The following TBC1D2B variants were observed in gnomAD, a reference collection of about 807,000 sequenced individuals.
TBC1D2B encodes TBC1 domain family, member 2B.
In TBC1D2B, 64 loss-of-function variants were observed where a neutral mutation model predicts 100.8. The observed-to-expected ratio is 0.64, with a 90% CI of 0.52 to 0.78. The LOEUF is 0.78. TBC1D2B is among the 30% of genes least tolerant of loss of function. The pLI, the probability that TBC1D2B is intolerant of heterozygous loss-of-function variation, is 0.00. For missense variants in TBC1D2B, 1,052 were observed against 1,218.4 expected (o/e 0.86, Z 2.03); for synonymous variants, 480 against 479.7 (o/e 1.00, Z -0.01).
At chr15:78,003,834 A>G (rs922387770) in intron 10 of TBC1D2B, among the ~76,000 whole-genome samples, 4 of 152,238 alleles carry the variant, frequency 2.6e-5, no homozygotes, top group Non-Finnish European at 5.9e-5. Context: ...CCAATCCACA[A>G]GTAAATACGT....
At chr15:78,039,479 G>C (rs1387508268) in intron 3 of TBC1D2B, among the ~76,000 whole-genome samples, 6 of 152,182 alleles carry the variant, frequency 3.9e-5, no homozygotes, top group Non-Finnish European at 8.8e-5. Context: ...GAAGACCTAT[G>C]GGAGGCAGGC....
chr15:78,010,726 A>G (rs2072201245), intron 9 of TBC1D2B, among the ~76,000 whole-genome samples: 1 of 152,202 alleles, frequency 6.6e-6, no homozygotes, highest in South Asian at 2.1e-4. Context: ...TCCAGATGAC[A>G]GGTCTGAATC....
At chr15:78,062,215 AT>A (rs1415432330) in intron 1 of TBC1D2B, among the ~76,000 whole-genome samples, 3 of 152,218 alleles carry the variant, frequency 2.0e-5, no homozygotes, top group African/African-American at 7.2e-5. Context: ...CTGTCCTAAC[AT>A]TTCTATTCTC....
rs1366477789 is a variant in TBC1D2B, at chr15:78,044,907, C to A, written c.676G>T (p.Glu226Ter). The change falls in exon 3 of 13, where the codon GAG (glutamate) becomes TAG (stop). Residue 226 changes from glutamate to a stop codon, truncating the protein, a stop_gained. Coordinates refer to ENST00000300584, the MANE Select transcript of TBC1D2B (RefSeq NM_144572.2). LOFTEE classifies it high-confidence loss of function. ...NFYSLKQWGNELKNSMSSFRP... is the reference protein window; with the variant it reads ...NFYSLKQWGN ...TGCTTTCTAAAGACTCACTTGAGCT[C>A]ATTGCCCCACTGTTTCAAAGAGTAA... 3 of 1,610,026 alleles carry A rather than the reference C, an allele frequency of 1.9e-6. No individual in the cohort carries two copies. Among genetic ancestry groups the A allele is most frequent in the South Asian group, 1.1e-5 (1 of 90,516 alleles).
In TBC1D2B at chr15:78,077,611, G is replaced by A. The variant is rs1244289088; in HGVS notation, c.42C>T (p.Gly14=). The stretch of plus-strand genomic sequence containing the variant: ...CCGCCCCCTGCGCCGCGCCCTCGCC[G>A]CCGCCGCCGCCCTCCTCCGCCCGGG... ...AGARAEEGGG[G]GEGAAQGAAA... is the part of the protein sequence containing the mutation. Residue 14 remains glycine (G), a synonymous_variant, in exon 1 of 13, where the codon GGC becomes GGT. Transcript: ENST00000300584. The A allele has an allele frequency of 5.8e-6, 6 of 1,026,394 alleles. No homozygotes were observed. Among genetic ancestry groups the A allele is most frequent in the East Asian group, 1.7e-4 (2 of 11,630 alleles). 63.6% of individuals were successfully genotyped at this position (1,026,394 alleles called of 1,614,324 possible). A position where few individuals can be genotyped will look rare whatever the true frequency, so the allele number is the denominator to read the frequency against.
chr15:78,058,123 A>G (rs1229072009), intron 1 of TBC1D2B, among the ~76,000 whole-genome samples: 5 of 152,200 alleles, frequency 3.3e-5, no homozygotes, highest in Non-Finnish European at 5.9e-5. Flanking sequence ...ATTAAAATTA[A>G]TTTTACTGGT....
Position 77,998,289 on chromosome 15 carries a change from G to A in TBC1D2B, c.2763C>T (p.Arg921=), listed in dbSNP as rs560412956. The change falls in exon 13 of 13, where the codon CGC becomes CGT. Residue 921 remains arginine (R), a synonymous_variant. Transcript: ENST00000300584. ...PFPLRQIRNR[R]AYHLEKVRLE... ...GCCGGACTTTCTCCAAGTGGTAGGC[G>A]CGTCGGTTCCGGATCTGGCGTAGGG... 7.2e-5 allele frequency: 115 copies of A among 1,605,510 alleles called. 1 individual carries two copies. The highest frequency in any genetic ancestry group is 3.3e-4 in the South Asian group (29 of 89,122).
rs2071762255 is a variant in TBC1D2B at position 77,996,477 on chromosome 15, C to A, written c.*1683G>T. 1 of 152,208 alleles carries A rather than the reference C, an allele frequency of 6.6e-6. No homozygotes were observed. The highest frequency in any genetic ancestry group is 1.5e-5 in the Non-Finnish European group (1 of 68,040). The allele number at this position is 152,208 out of a possible 1,614,324, so 9.4% of individuals were successfully genotyped here. A position where few individuals can be genotyped will look rare whatever the true frequency, so the allele number is the denominator to read the frequency against. Reference sequence around the variant, plus strand: ...CGAGCAGACTGCAACGCCCAGCTCACAGGACAACTGAAGGAGTCAGACCTC... The same window carrying A: ...CGAGCAGACTGCAACGCCCAGCTCAAAGGACAACTGAAGGAGTCAGACCTC... On this transcript the variant is annotated 3_prime_UTR_variant, in exon 13 of 13. Coordinates refer to ENST00000300584, the MANE Select transcript of TBC1D2B (RefSeq NM_144572.2).
chr15:78,016,521 C>T lies in TBC1D2B; in HGVS notation c.1775+25G>A, dbSNP rs62011477. The T allele has an allele frequency of 6.0e-3, 9,707 of 1,607,324 alleles. 51 individuals carry two copies. Among genetic ancestry groups the T allele is most frequent in the Non-Finnish European group, 6.8e-3 (8,043 of 1,177,040 alleles). On this transcript the variant is annotated intron_variant, in intron 8 of 12. Coordinates refer to ENST00000300584, the MANE Select transcript of TBC1D2B (RefSeq NM_144572.2). ...GGACTTCAGAAATGGGGTGCACTAC[C>T]CTCAACAGTCACTAGCACATTTACC...
intron 8 of TBC1D2B, among the ~76,000 whole-genome samples, chr15:78,013,599 G>A (rs2141660066): frequency 6.6e-6 from 1 of 152,190 alleles, no homozygotes; most frequent in Non-Finnish European, 1.5e-5. Flanking sequence ...ACGCATGGAA[G>A]AAAACGCAGG....
At chr15:78,027,662 C>T (rs2072705436) in intron 4 of TBC1D2B, among the ~76,000 whole-genome samples, 1 of 152,218 alleles carries the variant, frequency 6.6e-6, no homozygotes, top group Non-Finnish European at 1.5e-5. Context: ...GTTTCTCCTC[C>T]CGTCCCAACT....
intron 10 of TBC1D2B, among the ~76,000 whole-genome samples, chr15:78,005,224 C>T (rs2072034952): frequency 6.6e-6 from 1 of 152,158 alleles, no homozygotes; most frequent in African/African-American, 2.4e-5. Context: ...TTGCTCTGGC[C>T]TCTGTTCAAG....
At chr15:78,069,955 C>T (rs185427794) in intron 1 of TBC1D2B, among the ~76,000 whole-genome samples, 4 of 152,286 alleles carry the variant, frequency 2.6e-5, no homozygotes, top group East Asian at 3.9e-4. Flanking sequence ...ACCCTGTCTA[C>T]GGTATTTTTT....
At chr15:78,040,658 AAGAAAGAG>A (rs1270353494) in intron 3 of TBC1D2B, among the ~76,000 whole-genome samples, 17 of 141,064 alleles carry the variant, frequency 1.2e-4, no homozygotes, top group African/African-American at 3.9e-4. Flanking sequence ...AAGAGAAAGA[AAGAAAGAG>A]AAAGAAAAAG....
chr15:78,008,967 G>GT, intron 10 of TBC1D2B, 30 bp downstream of exon 10: 2 of 1,459,580 alleles, frequency 1.4e-6, no homozygotes, highest in South Asian at 2.4e-5. Context: ...TCTAAAAGTG[G>GT]TGACTAAAAC....
rs2072637532 is a variant in TBC1D2B at position 78,025,427 on chromosome 15, G to A, written c.918C>T (p.Asp306=). 1 of 1,613,968 alleles carries A rather than the reference G, an allele frequency of 6.2e-7. No individual in the cohort carries two copies. The highest frequency in any genetic ancestry group is 8.5e-7 in the Non-Finnish European group (1 of 1,179,888). Residue 306 remains aspartate, a synonymous_variant, in exon 5 of 13, where the codon GAC becomes GAT. Coordinates refer to ENST00000300584, the MANE Select transcript of TBC1D2B (RefSeq NM_144572.2). ...GACGATTTTTGTACGACCCAATTAT[G>A]TCTTTCAAAGGGCGCTTTCCTTTGT... ...NPYKGKRPLK[D]IIGSYKNRHS...
chr15:78,054,275 G>T, intron 1 of TBC1D2B, 88 bp from the exon 2 acceptor site: 1 of 1,315,828 alleles, frequency 7.6e-7, no homozygotes, highest in Non-Finnish European at 1.0e-6. Flanking sequence ...AGACTGTTCA[G>T]CTTGCCATGT....
Position 78,024,426 on chromosome 15 carries a change from T to C in TBC1D2B, c.1200A>G (p.Gln400=). Residue 400 remains glutamine (Q), a synonymous_variant, in exon 6 of 13, where the codon CAA becomes CAG. Transcript: ENST00000300584. ...TAAGGCCCAGAATCTGATCATCCTT[T>C]TGGTGCAGAAGCTCGAGCGTGTCCT... ...VPKDTLELLH[Q]KDDQILGLTS... is the part of the protein sequence containing the mutation. The C allele has an allele frequency of 1.2e-6, 2 of 1,614,016 alleles. No individual in the cohort carries two copies. The highest frequency in any genetic ancestry group is 2.2e-5 in the East Asian group (1 of 44,886).
chr15:78,006,839 CA>C (rs2072080603), intron 10 of TBC1D2B, among the ~76,000 whole-genome samples: 1 of 152,206 alleles, frequency 6.6e-6, no homozygotes, highest in South Asian at 2.1e-4. Flanking sequence ...TAAGTTCAAA[CA>C]TTTACTGTGT....
Sources: allele counts gnomAD v4.1 joint callset (sites outside exome capture counted in the v4.1 genomes callset), GRCh38; gene constraint gnomAD v4.1.1; transcripts MANE v1.5; gene names NCBI Gene and HGNC (gene_info 2026-07-23, HGNC 2026-07-21).